OSBPL9: variants seen among roughly 807,000 people sequenced by gnomAD.
The protein encoded by OSBPL9 is oxysterol binding protein like 9, also known as oxysterol-binding protein-related protein 9.
In OSBPL9, 40 loss-of-function variants were observed where a neutral mutation model predicts 106.6. The observed-to-expected ratio is 0.38, with a 90% CI of 0.29 to 0.49. The LOEUF (loss-of-function observed/expected upper bound fraction) is 0.49, where lower values mean the gene tolerates loss of function less well. OSBPL9 is among the 20% of genes least tolerant of loss of function. OSBPL9 has a pLI of 0.97. For missense variants in OSBPL9, 609 were observed against 887.2 expected (o/e 0.69, Z 3.98); for synonymous variants, 269 against 295.4 (o/e 0.91, Z 0.92).
chr1:51,531,794 A>C, the OSBPL9 span, among the ~76,000 whole-genome samples: 1 of 152,132 alleles, frequency 6.6e-6, no homozygotes, highest in African/African-American at 2.4e-5. Context: ...GTTGGGTGAG[A>C]CTGTCCAAGT....
chr1:51,649,579 C>A (rs1200046762), intron 1 of OSBPL9, among the ~76,000 whole-genome samples: 1 of 152,002 alleles, frequency 6.6e-6, no homozygotes, highest in African/African-American at 2.4e-5. Context: ...TATCAGATTT[C>A]TTTTTTCTTT....
chr1:51,522,337 G>A, the OSBPL9 span, among the ~76,000 whole-genome samples: 42,402 of 152,028 alleles, frequency 0.28, 6,622 homozygotes, highest in Middle Eastern at 0.39. Context: ...ATTGCCCCAC[G>A]TCCCCTTCCA....
chr1:51,692,027 G>T (rs1162086424), intron 3 of OSBPL9, among the ~76,000 whole-genome samples: 1 of 152,112 alleles, frequency 6.6e-6, no homozygotes, highest in Non-Finnish European at 1.5e-5. Flanking sequence ...AGATAAAAAG[G>T]CTGAGTGCAG....
intron 3 of OSBPL9, among the ~76,000 whole-genome samples, chr1:51,683,844 A>G (rs1421878552): frequency 6.6e-6 from 1 of 152,066 alleles, no homozygotes; most frequent in Admixed American, 6.6e-5. Flanking sequence ...AACCTGAAGG[A>G]CATTATTCAT....
chr1:51,664,047 A>C (rs942493733), intron 2 of OSBPL9, among the ~76,000 whole-genome samples: 1 of 152,210 alleles, frequency 6.6e-6, no homozygotes, highest in Non-Finnish European at 1.5e-5. Context: ...TGACACAACC[A>C]CTTTTGAGGA....
At chr1:51,637,962 T>A (rs1288615418) in intron 1 of OSBPL9, among the ~76,000 whole-genome samples, 1 of 152,210 alleles carries the variant, frequency 6.6e-6, no homozygotes, top group Non-Finnish European at 1.5e-5. Context: ...CCTTCTGATA[T>A]TAGTTCTGGC....
upstream of OSBPL9, among the ~76,000 whole-genome samples, chr1:51,613,627 A>G (rs907423401): frequency 6.6e-6 from 1 of 152,216 alleles, no homozygotes; most frequent in Admixed American, 6.5e-5. Flanking sequence ...AATATCCAAA[A>G]AGAAACAGAA....
intron 8 of OSBPL9, among the ~76,000 whole-genome samples, chr1:51,750,813 C>T (rs1669067215): frequency 6.6e-6 from 1 of 152,174 alleles, no homozygotes; most frequent in Non-Finnish European, 1.5e-5. Context: ...ACTATTTCTA[C>T]CTCACTACAC....
chr1:51,643,315 T>G (rs1645927377), intron 1 of OSBPL9, among the ~76,000 whole-genome samples: 1 of 152,198 alleles, frequency 6.6e-6, no homozygotes, highest in South Asian at 2.1e-4. Context: ...AAAAAGGGTT[T>G]TATTATATCC....
rs577257416 is a variant in OSBPL9, at chr1:51,718,403, C to A, written c.318+4324C>A. On this transcript the variant is annotated intron_variant, in intron 4 of 23. Coordinates refer to ENST00000428468, the MANE Select transcript of OSBPL9 (RefSeq NM_024586.6). ...GCTTGAGGTGATGGATACCTATTTA[C>A]CCTGATGTGATTATTACTTATTTCA... 4.6e-5 allele frequency among the ~76,000 whole-genome samples: 7 copies of A among 152,160 alleles called. No individual in the cohort carries two copies. The South Asian group carries it at 1.5e-3, about 32-fold the overall frequency.
chr1:51,616,002 G>GT (rs1644045035), upstream of OSBPL9, among the ~76,000 whole-genome samples: 29 of 130,416 alleles, frequency 2.2e-4, no homozygotes, highest in African/African-American at 8.0e-4. Flanking sequence ...TAAATCCTTT[G>GT]GTTTTTTTTT....
At chr1:51,584,271 A>G (rs1053154055) in intron 1 of OSBPL9, among the ~76,000 whole-genome samples, 12 of 152,342 alleles carry the variant, frequency 7.9e-5, no homozygotes, top group African/African-American at 2.9e-4. Flanking sequence ...GGCAGCTTGT[A>G]GCAGTGGCTA....
chr1:51,526,388 A>G, the OSBPL9 span, among the ~76,000 whole-genome samples: 1 of 152,118 alleles, frequency 6.6e-6, no homozygotes, highest in Non-Finnish European at 1.5e-5. Flanking sequence ...GTTAGAAAAT[A>G]CCCAGAAGGA....
At chr1:51,721,434 A>T (rs1203747032) in intron 4 of OSBPL9, among the ~76,000 whole-genome samples, 1 of 152,194 alleles carries the variant, frequency 6.6e-6, no homozygotes, top group Non-Finnish European at 1.5e-5. Flanking sequence ...CAAAAGAAGT[A>T]TCAGGTATGA....
chr1:51,611,958 G>A (rs529056454), intron 2 of OSBPL9, among the ~76,000 whole-genome samples: 4 of 152,302 alleles, frequency 2.6e-5, no homozygotes, highest in South Asian at 2.1e-4. Flanking sequence ...CTGGGTGACC[G>A]AGTGAGACTC....
rs1000156306 is a variant in OSBPL9, at chr1:51,788,151, G to C, written c.*362G>C. 4.1e-6 allele frequency: 1 copy of C among 243,130 alleles called. No homozygotes were observed. The highest frequency in any genetic ancestry group is 8.0e-6 in the Non-Finnish European group (1 of 124,310). 15.1% of individuals were successfully genotyped at this position (243,130 alleles called of 1,614,324 possible). On this transcript the variant is annotated 3_prime_UTR_variant, in exon 24 of 24. Transcript: ENST00000428468. ...CTTGTTTCTTAGTTCATATAATCTCGGGATACACACACACACACACATATA... is the reference window on the plus strand; with the variant it reads ...CTTGTTTCTTAGTTCATATAATCTCCGGATACACACACACACACACATATA...
intron 10 of OSBPL9, among the ~76,000 whole-genome samples, chr1:51,761,286 G>A (rs1320180461): frequency 6.7e-6 from 1 of 148,774 alleles, no homozygotes; most frequent in African/African-American, 2.5e-5. Flanking sequence ...AGCAATACAT[G>A]CAATTTTTTA....
At chr1:51,551,592 T>G in the OSBPL9 span, among the ~76,000 whole-genome samples, 1 of 152,074 alleles carries the variant, frequency 6.6e-6, no homozygotes, top group Non-Finnish European at 1.5e-5. Context: ...ATTTATTTAC[T>G]TATTTATTTT....
chr1:51,620,682 A>G (rs1644372034), intron 1 of OSBPL9, among the ~76,000 whole-genome samples: 1 of 152,190 alleles, frequency 6.6e-6, no homozygotes, highest in Non-Finnish European at 1.5e-5. Flanking sequence ...GGTAGGTAGT[A>G]GTGAGAGATG....
Sources: gnomAD v4.1 joint callset for allele counts (sites outside exome capture counted in the v4.1 genomes callset) on GRCh38, gnomAD v4.1.1 for gene constraint, MANE v1.5 for transcripts, NCBI Gene and HGNC (gene_info 2026-07-23, HGNC 2026-07-21) for gene names.